HSP90AB1: variants seen among roughly 807,000 people sequenced by gnomAD.
The protein encoded by HSP90AB1 is heat shock protein HSP 90-beta.
Under a neutral mutation model 67.8 loss-of-function variants are expected in HSP90AB1, and 17 were observed. The ratio of observed to expected loss-of-function variants is 0.25; its 90% CI spans 0.17 to 0.38. HSP90AB1 has a LOEUF of 0.38. Among genes scored for constraint, HSP90AB1 ranks in the 10% least tolerant of loss-of-function variants. The pLI, the probability that HSP90AB1 is intolerant of heterozygous loss-of-function variation, is 1.00. For synonymous variants in HSP90AB1, 390 were observed against 312.9 expected, an observed-to-expected ratio of 1.25 and a Z score of -2.60; for missense variants, 690 against 899.9, an observed-to-expected ratio of 0.77 and a Z score of 2.98.
rs1466000062 is a variant in HSP90AB1 at position 44,252,167 on chromosome 6, C to T, written c.1631C>T (p.Pro544Leu). The T allele has an allele frequency of 1.9e-6, 3 of 1,614,018 alleles. No individual in the cohort carries two copies. The highest frequency in any genetic ancestry group is 2.2e-5 in the East Asian group (1 of 44,892). The change falls in exon 10 of 12, where the codon CCT (proline) becomes CTT (leucine). Residue 544 changes from proline (P) to leucine (L), a missense_variant. By Grantham distance (98) the Pro-to-Leu change is moderately conservative. This residue lies in a region of HSP90AB1 where 206 missense variants were observed against 221.4 expected (regional missense o/e 0.93). Coordinates refer to ENST00000371646, the MANE Select transcript of HSP90AB1 (RefSeq NM_007355.4). Reference sequence around the variant, plus strand: ...GTTACCAAGGAGGGTCTGGAGCTGCCTGAGGATGAGGAGGAGAAGAAGAAG... The same window carrying T: ...GTTACCAAGGAGGGTCTGGAGCTGCTTGAGGATGAGGAGGAGAAGAAGAAG... ...VSVTKEGLEL[P>L]EDEEEKKKME...
chr6:44,246,857 G>C (rs1582977809), upstream of HSP90AB1, among the ~76,000 whole-genome samples: 2 of 152,174 alleles, frequency 1.3e-5, no homozygotes, highest in Admixed American at 6.5e-5. Flanking sequence ...CCTCATCCCC[G>C]CTCTTGATGG....
intron 10 of HSP90AB1, 25 bp downstream of exon 10, chr6:44,252,292 T>C (rs772409567): frequency 1.2e-6 from 2 of 1,604,564 alleles, no homozygotes; most frequent in Non-Finnish European, 1.7e-6. Context: ...GGCTAGGATA[T>C]ATTTTGTAAC....
chr6:44,252,371 G>A (rs1780754481), intron 10 of HSP90AB1, 104 bp downstream of exon 10: 1 of 1,015,910 alleles, frequency 9.8e-7, no homozygotes, highest in Non-Finnish European at 1.5e-6. Flanking sequence ...CCTATTTACT[G>A]TTTCATGCCT....
In HSP90AB1 at chr6:44,251,992, C is replaced by T; in HGVS notation, c.1463-7C>T. 1.9e-6 allele frequency: 3 copies of T among 1,614,082 alleles called. No homozygotes were observed. Among genetic ancestry groups the T allele is most frequent in the Admixed American group, 3.3e-5 (2 of 60,020 alleles). On this transcript the variant is annotated splice_region_variant and splice_polypyrimidine_tract_variant and intron_variant, in intron 9 of 11. Transcript: ENST00000371646. ...TTAGTCACTGAGTTCATTTAATTAC[C>T]CTACAGGTGAGAGCAAAGAGCAGGT...
At position 44,252,026 on chromosome 6, in the gene HSP90AB1, C is replaced by G. The variant is rs751914006; in HGVS notation, c.1490C>G (p.Ser497Ter). The part of the protein sequence containing the change: ...TGESKEQVAN[S>*]AFVERVRKRG... ...GAGAGCAAAGAGCAGGTGGCCAACT[C>G]AGCTTTTGTGGAGCGAGTGCGGAAA... The change falls in exon 10 of 12, where the codon TCA becomes TGA. Residue 497 changes from serine to a stop codon, truncating the protein, a stop_gained. Coordinates refer to ENST00000371646, the MANE Select transcript of HSP90AB1 (RefSeq NM_007355.4). LOFTEE classifies it high-confidence loss of function. 3.7e-6 allele frequency: 6 copies of G among 1,614,180 alleles called. No individual in the cohort carries two copies. The highest frequency in any genetic ancestry group is 5.1e-6 in the Non-Finnish European group (6 of 1,180,042).
At chr6:44,248,825 C>G (rs1313760247) in intron 2 of HSP90AB1, 49 bp downstream of exon 2, 1 of 1,545,358 alleles carries the variant, frequency 6.5e-7, no homozygotes, top group Non-Finnish European at 8.8e-7. Flanking sequence ...TTTTGATACT[C>G]TAGAAGGAGG....
Position 44,253,244 on chromosome 6 carries a change from C to T in HSP90AB1, c.1931C>T (p.Ala644Val). Residue 644 changes from alanine to valine, a missense_variant, in exon 11 of 12, where the codon GCC becomes GTC. Coordinates refer to ENST00000371646, the MANE Select transcript of HSP90AB1 (RefSeq NM_007355.4). The part of the protein sequence containing the change: ...IVETLRQKAE[A>V]DKNDKAVKDL... ...GAGACGCTGCGGCAGAAGGCTGAGG[C>T]CGACAAGAATGATAAGGCAGTTAAG... 1 of 1,614,182 alleles carries T rather than the reference C, an allele frequency of 6.2e-7. No individual in the cohort carries two copies. The highest frequency in any genetic ancestry group is 8.5e-7 in the Non-Finnish European group (1 of 1,180,024).
chr6:44,250,415 A>C lies in HSP90AB1; in HGVS notation c.773A>C (p.Glu258Ala). 6.2e-7 allele frequency: 1 copy of C among 1,613,830 alleles called. No individual in the cohort carries two copies. The highest frequency in any genetic ancestry group is 8.5e-7 in the Non-Finnish European group (1 of 1,179,776). Residue 258 changes from glutamate to alanine, a missense_variant, in exon 6 of 12, where the codon GAG becomes GCG. This residue lies in a region of HSP90AB1 where 146 missense variants were observed against 143.7 expected (regional missense o/e 1.02). Transcript: ENST00000371646. ...PKIEDVGSDE[E>A]DDSGKDKKKK... ...ATCGAAGATGTGGGTTCAGATGAGG[A>C]GGATGACAGCGGTAAGGATAAGAAG...
In HSP90AB1 at chr6:44,249,451, C is replaced by T. The variant is rs1260905117; in HGVS notation, c.222C>T (p.Asp74=). 1.2e-6 allele frequency: 2 copies of T among 1,613,880 alleles called. No individual in the cohort carries two copies. The highest frequency in any genetic ancestry group is 1.1e-5 in the South Asian group (1 of 91,092). ...KLDSGKELKI[D]IIPNPQERTL... ...ACAGTGGTAAAGAGCTGAAAATTGA[C>T]ATCATCCCCAACCCTCAGGAACGTA... Residue 74 remains aspartate, a synonymous_variant, in exon 3 of 12, where the codon GAC becomes GAT. Transcript: ENST00000371646.
rs757172689 is a variant in HSP90AB1, at chr6:44,249,765, C to T, written c.445C>T (p.His149Tyr). The T allele has an allele frequency of 6.2e-7, 1 of 1,614,020 alleles. No individual in the cohort carries two copies. Among genetic ancestry groups the T allele is most frequent in the South Asian group, 1.1e-5 (1 of 91,080 alleles). Residue 149 changes from histidine to tyrosine, a missense_variant, in exon 4 of 12, where the codon CAC (histidine) becomes TAC (tyrosine). By Grantham distance (83) the His-to-Tyr change is moderately conservative (BLOSUM62 2). Around this residue, in one of 7 missense-constraint regions of HSP90AB1, gnomAD observed 88 missense variants for 167.7 expected, o/e 0.52. Transcript: ENST00000371646. ...VAEKVVVITK[H>Y]NDDEQYAWES... is the part of the protein sequence containing the mutation. ...AGAGAAAGTGGTTGTGATCACAAAG[C>T]ACAACGATGATGAACAGTATGCTTG...
intron 1 of HSP90AB1, 42 bp from the exon 2 acceptor site, chr6:44,248,588 G>T: frequency 1.3e-6 from 2 of 1,578,672 alleles, no homozygotes; most frequent in Non-Finnish European, 1.7e-6. Flanking sequence ...TTAAACATGG[G>T]GCCTTAGTGT....
chr6:44,252,043 G>C lies in HSP90AB1; in HGVS notation c.1507G>C (p.Val503Leu), dbSNP rs1342597882. The stretch of plus-strand genomic sequence containing the variant: ...GGCCAACTCAGCTTTTGTGGAGCGA[G>C]TGCGGAAACGGGGCTTCGAGGTGGT... Reference protein sequence around the residue: ...QVANSAFVERVRKRGFEVVYM... With the variant: ...QVANSAFVERLRKRGFEVVYM... Residue 503 changes from valine to leucine, a missense_variant, in exon 10 of 12, where the codon GTG becomes CTG. This residue lies in a region of HSP90AB1 where 206 missense variants were observed against 221.4 expected (regional missense o/e 0.93). Transcript: ENST00000371646. 6.2e-7 allele frequency: 1 copy of C among 1,614,202 alleles called. No homozygotes were observed. The highest frequency in any genetic ancestry group is 1.7e-5 in the Admixed American group (1 of 60,020).
chr6:44,252,284 C>G lies in HSP90AB1; in HGVS notation c.1731+17C>G. 2 of 1,608,996 alleles carry G rather than the reference C, an allele frequency of 1.2e-6. No individual in the cohort carries two copies. The highest frequency in any genetic ancestry group is 1.7e-6 in the Non-Finnish European group (2 of 1,177,890). On this transcript the variant is annotated intron_variant, in intron 10 of 11. Transcript: ENST00000371646. ...GTTGAGAAGGTAAGCCATTCTGGGGCTAGGATATATTTTGTAACATCTTCG... is the reference window on the plus strand; with the variant it reads ...GTTGAGAAGGTAAGCCATTCTGGGGGTAGGATATATTTTGTAACATCTTCG...
At chr6:44,248,893 CTA>C (rs1272881451) in intron 2 of HSP90AB1, 117 bp downstream of exon 2, 1 of 906,516 alleles carries the variant, frequency 1.1e-6, no homozygotes, top group Non-Finnish European at 1.7e-6. Context: ...AAACTTGCAG[CTA>C]TTCCAAAAAG....
At chr6:44,246,747 C>A (rs35038841), upstream of HSP90AB1, among the ~76,000 whole-genome samples, 2,138 of 152,294 alleles carry the variant, frequency 0.014, 15 homozygotes, top group Non-Finnish European at 0.022. Flanking sequence ...GTGTCCCCCC[C>A]AGTCCCGCCC....
At chr6:44,252,330 A>G in intron 10 of HSP90AB1, 63 bp downstream of exon 10, 1 of 1,483,636 alleles carries the variant, frequency 6.7e-7, no homozygotes, top group Non-Finnish European at 9.2e-7. Flanking sequence ...CCTCACAAGC[A>G]TGTTTCTATA....
At position 44,253,319 on chromosome 6, in the gene HSP90AB1, C is replaced by T. The variant is rs776449992; in HGVS notation, c.2006C>T (p.Ser669Phe). 6.2e-7 allele frequency: 1 copy of T among 1,614,198 alleles called. No homozygotes were observed. Among genetic ancestry groups the T allele is most frequent in the South Asian group, 1.1e-5 (1 of 91,080 alleles). ...ACCGCCCTGCTATCTTCTGGCTTTT[C>T]CCTTGAGGATCCCCAGACCCACTCC... Reference protein sequence around the residue: ...FETALLSSGFSLEDPQTHSNR... With the variant: ...FETALLSSGFFLEDPQTHSNR... The change falls in exon 11 of 12, where the codon TCC becomes TTC. Residue 669 changes from serine to phenylalanine, a missense_variant. Ser to Phe is a radical substitution (Grantham distance 155). Transcript: ENST00000371646.
chr6:44,250,995 G>A (rs1780576512), intron 6 of HSP90AB1, 53 bp from the exon 7 acceptor site: 4 of 1,471,356 alleles, frequency 2.7e-6, no homozygotes, highest in Admixed American at 3.4e-5. Flanking sequence ...ATTTGGTGTT[G>A]GGGCTAAAAG....
chr6:44,246,732 T>C (rs1464707691), upstream of HSP90AB1, among the ~76,000 whole-genome samples: 7 of 152,144 alleles, frequency 4.6e-5, no homozygotes. Context: ...CTCCGCTCTT[T>C]TTCGGTGTCC....
Sources: allele counts gnomAD v4.1 joint callset (sites outside exome capture counted in the v4.1 genomes callset), GRCh38; gene constraint gnomAD v4.1.1; regional missense constraint gnomAD v4.1.1; transcripts MANE v1.5; gene names NCBI Gene and HGNC (gene_info 2026-07-23, HGNC 2026-07-21).